ART3: variants seen among roughly 807,000 people sequenced by gnomAD.
ART3 encodes the protein ADP-ribosyltransferase 3 (inactive), also known as ecto-ADP-ribosyltransferase 3.
ART3 carries 49 observed loss-of-function variants against 48.5 expected under a neutral mutation model. The ratio of observed to expected loss-of-function variants is 1.01; its 90% CI spans 0.80 to 1.28. The LOEUF is 1.28. ART3 is among the 50% of genes most tolerant of loss of function. The pLI, the probability that ART3 is intolerant of heterozygous loss-of-function variation, is 0.00. For missense variants in ART3, 438 were observed against 454.3 expected (o/e 0.96, Z 0.33); for synonymous variants, 145 against 157.2 (o/e 0.92, Z 0.58).
chr4:76,021,900 G>A (rs769682388), intron 1 of ART3: 1 of 1,601,980 alleles, frequency 6.2e-7, no homozygotes, highest in Non-Finnish European at 8.6e-7. Context: ...ATCCTTGGAA[G>A]CACTGCATCG....
At chr4:76,073,104 A>T (rs1482753523), upstream of ART3, among the ~76,000 whole-genome samples, 3 of 152,246 alleles carry the variant, frequency 2.0e-5, no homozygotes, top group Non-Finnish European at 2.9e-5. Flanking sequence ...ACAAGAATAT[A>T]AACTTCACAA....
At chr4:76,043,475 T>C (rs1202462957) in intron 1 of ART3, among the ~76,000 whole-genome samples, 1 of 151,972 alleles carries the variant, frequency 6.6e-6, no homozygotes, top group Non-Finnish European at 1.5e-5. Flanking sequence ...AGAAATCGAG[T>C]GCAGTGCCAG....
intron 1 of ART3, among the ~76,000 whole-genome samples, chr4:76,027,002 A>G (rs2149386267): frequency 6.6e-6 from 1 of 152,364 alleles, no homozygotes; most frequent in East Asian, 1.9e-4. Context: ...CTGTAATCCC[A>G]GCACTTTGGG....
intron 1 of ART3, chr4:76,034,392 T>C (rs1273874852): frequency 2.3e-6 from 1 of 442,356 alleles, no homozygotes; most frequent in East Asian, 3.5e-5. Context: ...AATGTTCTCA[T>C]AGTCACAACA....
chr4:76,100,438 C>G (rs768013025), intron 6 of ART3, 118 bp downstream of exon 6: 6 of 1,032,950 alleles, frequency 5.8e-6, no homozygotes, highest in Non-Finnish European at 8.6e-6. Context: ...TGAGACCATC[C>G]TGGCCAACAT....
At chr4:76,084,403 T>C (rs1360682156) in intron 3 of ART3, among the ~76,000 whole-genome samples, 2 of 152,236 alleles carry the variant, frequency 1.3e-5, no homozygotes, top group East Asian at 3.8e-4. Flanking sequence ...ATTAATAGTT[T>C]ATGTAGATTT....
intron 1 of ART3, among the ~76,000 whole-genome samples, chr4:76,053,334 T>C (rs948869596): frequency 6.6e-6 from 1 of 152,162 alleles, no homozygotes; most frequent in African/African-American, 2.4e-5. Context: ...CATTTTCTTA[T>C]AAATTAATTA....
At chr4:76,080,450 T>G (rs966677574) in intron 2 of ART3, among the ~76,000 whole-genome samples, 4 of 152,208 alleles carry the variant, frequency 2.6e-5, no homozygotes, top group African/African-American at 9.7e-5. Flanking sequence ...ATTACATAAT[T>G]TAATTCTCAC....
At chr4:76,049,458 CT>C (rs1289650575) in intron 1 of ART3, among the ~76,000 whole-genome samples, 1 of 151,548 alleles carries the variant, frequency 6.6e-6, no homozygotes, top group African/African-American at 2.4e-5. Context: ...TCTGTCGACC[CT>C]CGGCTCAGCC....
At chr4:76,094,778 G>A (rs1725646246) in intron 3 of ART3, among the ~76,000 whole-genome samples, 1 of 152,124 alleles carries the variant, frequency 6.6e-6, no homozygotes, top group African/African-American at 2.4e-5. Flanking sequence ...ATACTTGAGG[G>A]AAACCCTTTG....
At chr4:76,048,183 A>G (rs1278301471) in intron 1 of ART3, among the ~76,000 whole-genome samples, 1 of 151,940 alleles carries the variant, frequency 6.6e-6, no homozygotes, top group African/African-American at 2.4e-5. Flanking sequence ...TAGGATGTAA[A>G]TTGTAAGCTT....
intron 1 of ART3, among the ~76,000 whole-genome samples, chr4:76,053,424 A>AC (rs398107519): frequency 5.3e-5 from 8 of 151,620 alleles, no homozygotes; most frequent in South Asian, 2.1e-4. Context: ...CTAAAAAAAA[A>AC]CTAGCTATTA....
chr4:76,026,139 C>T (rs1223024988), intron 1 of ART3, among the ~76,000 whole-genome samples: 1 of 151,714 alleles, frequency 6.6e-6, no homozygotes, highest in Non-Finnish European at 1.5e-5. Context: ...CAATTTTCTC[C>T]ATCTGGTATG....
At chr4:76,099,390 G>T in intron 5 of ART3, 1 of 223,438 alleles carries the variant, frequency 4.5e-6, no homozygotes, top group Non-Finnish European at 9.0e-6. Flanking sequence ...AAAATTTGCA[G>T]ATATAAAGCA....
intron 1 of ART3, chr4:76,034,716 C>A: frequency 9.2e-7 from 1 of 1,083,930 alleles, no homozygotes; most frequent in South Asian, 1.4e-5. Flanking sequence ...GAATTCTTGT[C>A]ATTTCAGTAG....
intron 11 of ART3, 30 bp from the exon 12 acceptor site, chr4:76,112,356 G>T: frequency 6.3e-7 from 1 of 1,578,010 alleles, no homozygotes; most frequent in Non-Finnish European, 8.6e-7. Context: ...AAAAAATGAT[G>T]TGTCAGTGAC....
chr4:76,059,624 A>G (rs974014597), intron 1 of ART3, among the ~76,000 whole-genome samples: 1 of 152,180 alleles, frequency 6.6e-6, no homozygotes. Context: ...GCTTAAAGGA[A>G]AAAGAAATGT....
intron 1 of ART3, among the ~76,000 whole-genome samples, chr4:76,063,983 G>A (rs1173298848): frequency 6.6e-6 from 1 of 151,642 alleles, no homozygotes; most frequent in Non-Finnish European, 1.5e-5. Context: ...ACAAAACAAA[G>A]ATAAATATGA....
intron 5 of ART3, among the ~76,000 whole-genome samples, chr4:76,099,958 T>C (rs1285242694): frequency 6.6e-6 from 1 of 152,254 alleles, no homozygotes; most frequent in Non-Finnish European, 1.5e-5. Context: ...CTTCTTTTTA[T>C]TGTTCCGTTG....
Sources: gnomAD v4.1 joint callset for allele counts (sites outside exome capture counted in the v4.1 genomes callset) on GRCh38, gnomAD v4.1.1 for gene constraint, MANE v1.5 for transcripts, NCBI Gene and HGNC (gene_info 2026-07-23, HGNC 2026-07-21) for gene names.